Variants in DIP2B observed in about 807,000 individuals in gnomAD.
The protein encoded by DIP2B is disco-interacting protein 2 homolog B.
In DIP2B, 76 loss-of-function variants were observed where a neutral mutation model predicts 198.0. The ratio of observed to expected loss-of-function variants is 0.38; its 90% CI spans 0.32 to 0.46. The LOEUF is 0.46. Ranked by LOEUF, DIP2B falls within the 20% of genes least tolerant of loss-of-function variation. The pLI, the probability that DIP2B is intolerant of heterozygous loss-of-function variation, is 0.99. For missense variants in DIP2B, 1,559 were observed against 1,978.4 expected (o/e 0.79, Z 4.02); for synonymous variants, 701 against 739.1 (o/e 0.95, Z 0.84).
At chr12:50,599,600 C>G (rs550432645) in intron 1 of DIP2B, among the ~76,000 whole-genome samples, 1 of 152,010 alleles carries the variant, frequency 6.6e-6, no homozygotes, top group Non-Finnish European at 1.5e-5. Flanking sequence ...TGGGCAACAG[C>G]GCAAGACTCA....
chr12:50,509,589 C>T (rs1320677632), intron 1 of DIP2B, among the ~76,000 whole-genome samples: 1 of 152,206 alleles, frequency 6.6e-6, no homozygotes, highest in Non-Finnish European at 1.5e-5. Flanking sequence ...AAGCATGGCA[C>T]AGGGTCTGCC....
chr12:50,672,140 C>T (rs1938866752), intron 5 of DIP2B, among the ~76,000 whole-genome samples: 1 of 152,022 alleles, frequency 6.6e-6, no homozygotes, highest in Non-Finnish European at 1.5e-5. Flanking sequence ...ACAATCAGTG[C>T]ATTTTGGTGT....
chr12:50,733,147 C>G (rs995517028), intron 32 of DIP2B, among the ~76,000 whole-genome samples: 2 of 151,992 alleles, frequency 1.3e-5, no homozygotes, highest in African/African-American at 2.4e-5. Flanking sequence ...CTCAAGTGAT[C>G]CAGCCGCCTC....
At chr12:50,678,968 C>A in intron 8 of DIP2B, 92 bp downstream of exon 8, 1 of 1,377,876 alleles carries the variant, frequency 7.3e-7, no homozygotes, top group Non-Finnish European at 1.0e-6. Context: ...CAGTTGCTGG[C>A]CATTATGTTT....
intron 1 of DIP2B, among the ~76,000 whole-genome samples, chr12:50,597,336 T>G (rs929541929): frequency 6.6e-6 from 1 of 152,248 alleles, no homozygotes; most frequent in Non-Finnish European, 1.5e-5. Context: ...GCATCTTATA[T>G]TGAAATCTTT....
intron 3 of DIP2B, among the ~76,000 whole-genome samples, chr12:50,642,920 G>C (rs1468262691): frequency 6.6e-6 from 1 of 152,200 alleles, no homozygotes; most frequent in African/African-American, 2.4e-5. Flanking sequence ...CAGCCACCTA[G>C]TGTTGCCTTT....
intron 9 of DIP2B, among the ~76,000 whole-genome samples, chr12:50,681,037 T>C (rs1939031438): frequency 6.6e-6 from 1 of 152,162 alleles, no homozygotes; most frequent in Admixed American, 6.5e-5. Context: ...AACCTTAGTC[T>C]TTCCAGAAAT....
At chr12:50,506,069 A>T (rs1205166746) in intron 1 of DIP2B, among the ~76,000 whole-genome samples, 1 of 152,064 alleles carries the variant, frequency 6.6e-6, no homozygotes. Flanking sequence ...AGCCACTGTT[A>T]TTAGAGAACT....
intron 1 of DIP2B, among the ~76,000 whole-genome samples, chr12:50,571,612 G>GC (rs1242174437): frequency 3.6e-5 from 5 of 139,980 alleles, no homozygotes; most frequent in South Asian, 4.8e-4. Context: ...GAGTGCAATG[G>GC]CGTGATCTTG....
At chr12:50,534,009 A>G (rs1034085001) in intron 1 of DIP2B, among the ~76,000 whole-genome samples, 3 of 152,206 alleles carry the variant, frequency 2.0e-5, no homozygotes, top group African/African-American at 7.2e-5. Context: ...TGGTATTATC[A>G]TAATTAGAAT....
intron 1 of DIP2B, among the ~76,000 whole-genome samples, chr12:50,508,394 T>A (rs1565806638): frequency 1.3e-5 from 2 of 152,242 alleles, no homozygotes; most frequent in Non-Finnish European, 2.9e-5. Flanking sequence ...AAAGTAGCAC[T>A]AATGGGGAGA....
intron 7 of DIP2B, among the ~76,000 whole-genome samples, chr12:50,678,272 G>A (rs953618565): frequency 6.6e-6 from 1 of 151,888 alleles, no homozygotes; most frequent in Non-Finnish European, 1.5e-5. Context: ...GTAAACTTGG[G>A]CTTTCTGACT....
intron 37 of DIP2B, among the ~76,000 whole-genome samples, chr12:50,742,769 AC>A (rs1182162062): frequency 6.6e-6 from 1 of 151,858 alleles, no homozygotes; most frequent in Non-Finnish European, 1.5e-5. Flanking sequence ...AGTGGCAGGC[AC>A]CCGTAATCCT....
At position 50,664,830 on chromosome 12, in the gene DIP2B, G is replaced by GTTTTTTTT. The variant is rs1205734576; in HGVS notation, c.427+4516_427+4517insTTTTTTTT. ...CAAGGAGAATTTCCCTCCTTTTTTG[G>GTTTTTTTT]TTTTTGTTTTTTTTTTTTTTTTTTT... On this transcript the variant is annotated intron_variant, in intron 4 of 37. Coordinates refer to ENST00000301180, the MANE Select transcript of DIP2B (RefSeq NM_173602.3). 1.6e-4 allele frequency among the ~76,000 whole-genome samples: 16 copies of GTTTTTTTT among 99,642 alleles called. 5 individuals are homozygous for GTTTTTTTT. The highest frequency in any genetic ancestry group is 5.4e-4 in the African/African-American group (13 of 23,972). The allele number at this position is 99,642 out of a possible 152,430, so 65.4% of individuals were successfully genotyped here. A position where few individuals can be genotyped will look rare whatever the true frequency, so the allele number is the denominator to read the frequency against.
chr12:50,682,243 G>A (rs542501035), intron 9 of DIP2B, among the ~76,000 whole-genome samples: 355 of 150,908 alleles, frequency 2.4e-3, no homozygotes, highest in South Asian at 0.018. Context: ...GTTTCCACCA[G>A]TATTGTTTAC....
intron 2 of DIP2B, among the ~76,000 whole-genome samples, chr12:50,636,029 GTTATT>G (rs1296976326): frequency 6.6e-6 from 1 of 152,196 alleles, no homozygotes; most frequent in Non-Finnish European, 1.5e-5. Context: ...CTGACCTCAA[GTTATT>G]TACACTATAG....
intron 3 of DIP2B, among the ~76,000 whole-genome samples, chr12:50,650,369 C>T (rs1001798865): frequency 6.6e-5 from 10 of 152,266 alleles, no homozygotes; most frequent in South Asian, 2.1e-4. Context: ...TTTAAGTATA[C>T]GTTACCGTAT....
chr12:50,702,016 C>T (rs1416077067), intron 19 of DIP2B, among the ~76,000 whole-genome samples: 2 of 152,044 alleles, frequency 1.3e-5, no homozygotes, highest in Non-Finnish European at 2.9e-5. Flanking sequence ...GTGATCCTCG[C>T]ACTTTGAGAG....
chr12:50,677,879 C>G (rs1305006588), intron 7 of DIP2B, among the ~76,000 whole-genome samples: 1 of 151,722 alleles, frequency 6.6e-6, no homozygotes, highest in Non-Finnish European at 1.5e-5. Flanking sequence ...CCCCTTTCCT[C>G]AAGAAGCCAT....
Sources: gnomAD v4.1 joint callset for allele counts (sites outside exome capture counted in the v4.1 genomes callset) on GRCh38, gnomAD v4.1.1 for gene constraint, MANE v1.5 for transcripts, NCBI Gene and HGNC (gene_info 2026-07-23, HGNC 2026-07-21) for gene names.